STAU1: variants seen among roughly 807,000 people sequenced by gnomAD.
STAU1 encodes staufen double-stranded RNA binding protein 1.
In STAU1, 13 loss-of-function variants were observed where a neutral mutation model predicts 62.9. The ratio of observed to expected loss-of-function variants is 0.21; its 90% CI spans 0.13 to 0.33. STAU1 has a LOEUF of 0.33. Ranked by LOEUF, STAU1 falls within the 10% of genes least tolerant of loss-of-function variation. STAU1 has a pLI of 1.00. For synonymous variants in STAU1, 269 were observed against 265.1 expected (o/e 1.01, Z -0.14); for missense variants, 571 against 712.1 (o/e 0.80, Z 2.25).
the STAU1 span, among the ~76,000 whole-genome samples, chr20:49,195,486 AGATCGT>A: frequency 7.7e-6 from 1 of 129,928 alleles, no homozygotes; most frequent in Non-Finnish European, 1.6e-5. Flanking sequence ...TTGTGAGCCG[AGATCGT>A]GCCACTGCAC....
rs150236575 is a variant in STAU1 at position 49,117,926 on chromosome 20, T to C, written c.1360A>G (p.Met454Val). Residue 454 changes from methionine to valine, a missense_variant, in exon 11 of 14, where the codon ATG (methionine) becomes GTG (valine). This residue lies in a region of STAU1 where 156 missense variants were observed against 194.7 expected (regional missense o/e 0.80). Transcript: ENST00000371856. This position sits in a 1 kb window ranked among gnomAD's most constrained non-coding sequence, Gnocchi z 4.6. ...CCATACAACAACTCTCGGGCTATCA[T>C]GGCAGTTACCGTGGCCTTGGCAGGA... ...PNPAKATVTAMIARELLYGGT... is the reference protein window; with the variant it reads ...PNPAKATVTAVIARELLYGGT... 12 of 1,614,088 alleles carry C rather than the reference T, an allele frequency of 7.4e-6. No homozygotes were observed. In the East Asian group the frequency reaches 1.3e-4, roughly 18 times the overall value.
chr20:49,175,395 T>C (rs368684198), intron 1 of STAU1, among the ~76,000 whole-genome samples: 71 of 152,208 alleles, frequency 4.7e-4, no homozygotes, highest in Non-Finnish European at 9.3e-4. Context: ...GACACATTTA[T>C]AAGAGACAGC....
At chr20:49,209,600 C>T in the STAU1 span, among the ~76,000 whole-genome samples, 4 of 152,030 alleles carry the variant, frequency 2.6e-5, no homozygotes, top group Non-Finnish European at 2.9e-5. Context: ...AAAATTTAGC[C>T]GGGCAGGGTG....
the STAU1 span, among the ~76,000 whole-genome samples, chr20:49,203,954 A>C: frequency 6.6e-6 from 1 of 152,316 alleles, no homozygotes; most frequent in East Asian, 1.9e-4. Flanking sequence ...AAGTGCTGGG[A>C]TAACAGGCAA....
chr20:49,201,499 TG>T, the STAU1 span, among the ~76,000 whole-genome samples: 4 of 152,026 alleles, frequency 2.6e-5, no homozygotes, highest in African/African-American at 4.8e-5. Context: ...CCCAGCACTT[TG>T]GGGGGCTGAG....
At chr20:49,206,747 ATATATT>A in the STAU1 span, among the ~76,000 whole-genome samples, 11 of 83,810 alleles carry the variant, frequency 1.3e-4, no homozygotes, top group African/African-American at 5.1e-4. Flanking sequence ...ATATATATAT[ATATATT>A]TTATTTTATT....
At chr20:49,189,619 C>CA (rs71186430), upstream of STAU1, among the ~76,000 whole-genome samples, 14,693 of 54,164 alleles carry the variant, frequency 0.27, 2,134 homozygotes, top group Non-Finnish European at 0.37. Flanking sequence ...GACTCTGTCT[C>CA]AAAAAAAAAA....
intron 3 of STAU1, among the ~76,000 whole-genome samples, chr20:49,162,213 T>A (rs2093459319): frequency 6.6e-6 from 1 of 152,116 alleles, no homozygotes; most frequent in Non-Finnish European, 1.5e-5. Flanking sequence ...ATAAATAAAA[T>A]AAAATGATGT....
intron 6 of STAU1, 136 bp from the exon 7 acceptor site, chr20:49,124,723 G>T: frequency 1.2e-6 from 1 of 852,714 alleles, no homozygotes; most frequent in Non-Finnish European, 1.9e-6. Context: ...AGGAAGCGGG[G>T]ATCATTTCAA....
chr20:49,180,376 T>G (rs1009770339), intron 1 of STAU1, among the ~76,000 whole-genome samples: 17 of 150,774 alleles, frequency 1.1e-4, no homozygotes, highest in African/African-American at 4.2e-4. Context: ...CAGGCTGAAG[T>G]GCAGCGGCAC....
At chr20:49,145,924 AAAAAG>A (rs150883165) in intron 5 of STAU1, among the ~76,000 whole-genome samples, 2,761 of 152,156 alleles carry the variant, frequency 0.018, 102 homozygotes, top group African/African-American at 0.063. Context: ...AATAAAAAAG[AAAAAG>A]AAAACTAGGT....
In STAU1 at chr20:49,124,443, A is replaced by C. The variant is rs1403436471; in HGVS notation, c.754T>G (p.Leu252Val). 6.2e-7 allele frequency: 1 copy of C among 1,614,158 alleles called. No individual in the cohort carries two copies. Among genetic ancestry groups the C allele is most frequent in the Non-Finnish European group, 8.5e-7 (1 of 1,180,032 alleles). Residue 252 changes from leucine to valine, a missense_variant, in exon 7 of 14, where the codon TTA (leucine) becomes GTA (valine). By Grantham distance (32) the Leu-to-Val change is conservative. Around this residue, in one of 3 missense-constraint regions of STAU1, gnomAD observed 414 missense variants for 499.6 expected, o/e 0.83. Coordinates refer to ENST00000371856, the MANE Select transcript of STAU1 (RefSeq NM_017453.4). ...AIAVLEELKK[L>V]PPLPAVERVK... ...CGTTCAACTGCAGGCAGGGGCGGTAACTTCTTCAGCTCCTCAAGAACAGCT... is the reference window on the plus strand; with the variant it reads ...CGTTCAACTGCAGGCAGGGGCGGTACCTTCTTCAGCTCCTCAAGAACAGCT...
chr20:49,162,964 T>C (rs974803715), intron 3 of STAU1, among the ~76,000 whole-genome samples: 11 of 151,274 alleles, frequency 7.3e-5, no homozygotes, highest in Non-Finnish European at 1.3e-4. Flanking sequence ...GAGGCCAAGG[T>C]AGGCGGATCA....
intron 1 of STAU1, among the ~76,000 whole-genome samples, chr20:49,184,948 C>T (rs1447026299): frequency 6.6e-6 from 1 of 152,136 alleles, no homozygotes; most frequent in Non-Finnish European, 1.5e-5. Flanking sequence ...GCAACAAAGA[C>T]ATTTATAATA....
chr20:49,206,730 T>A, the STAU1 span, among the ~76,000 whole-genome samples: 47 of 105,080 alleles, frequency 4.5e-4, no homozygotes, highest in African/African-American at 1.7e-3. Flanking sequence ...TATATATATA[T>A]ATATATATAT....
At chr20:49,139,867 A>T (rs1236576130) in intron 5 of STAU1, among the ~76,000 whole-genome samples, 1 of 152,108 alleles carries the variant, frequency 6.6e-6, no homozygotes, top group Non-Finnish European at 1.5e-5. Context: ...TGGTTGTACC[A>T]GATTTGGATT....
intron 2 of STAU1, among the ~76,000 whole-genome samples, chr20:49,172,773 C>T (rs765758279): frequency 1.3e-5 from 2 of 152,180 alleles, no homozygotes; most frequent in African/African-American, 4.8e-5. Flanking sequence ...ATCCACTCCC[C>T]TGTGCCTCAG....
At chr20:49,134,345 C>T (rs1051688135) in intron 6 of STAU1, 32 of 407,742 alleles carry the variant, frequency 7.8e-5, no homozygotes, top group South Asian at 5.6e-4. Context: ...GCAGGAGAAT[C>T]GCTTGAATCT....
chr20:49,205,363 G>GTTTTT, the STAU1 span, among the ~76,000 whole-genome samples: 7 of 118,122 alleles, frequency 5.9e-5, 1 homozygote, highest in Non-Finnish European at 5.1e-5. Flanking sequence ...CTTTATGACA[G>GTTTTT]TTTTTTTTTT....
Sources: gnomAD v4.1 joint callset for allele counts (sites outside exome capture counted in the v4.1 genomes callset) on GRCh38, gnomAD v4.1.1 for gene constraint, gnomAD v4.1.1 regional missense constraint, Gnocchi (gnomAD v3.1) non-coding constraint, MANE v1.5 for transcripts, NCBI Gene and HGNC (gene_info 2026-07-23, HGNC 2026-07-21) for gene names.